RGS6: variants seen among roughly 807,000 people sequenced by gnomAD.
The protein encoded by RGS6 is regulator of G protein signaling 6.
RGS6 carries 30 observed loss-of-function variants against 78.5 expected under a neutral mutation model. That is an observed-to-expected ratio of 0.38 (90% confidence interval 0.29 to 0.52). The LOEUF is 0.52. RGS6 is among the 20% of genes least tolerant of loss of function. The pLI is 0.85. For missense variants in RGS6, 495 were observed against 609.7 expected, an observed-to-expected ratio of 0.81 and a Z score of 1.98; for synonymous variants, 206 against 206.0, an observed-to-expected ratio of 1.00 and a Z score of 0.00.
the RGS6 span, among the ~76,000 whole-genome samples, chr14:72,592,429 G>T: frequency 6.6e-6 from 1 of 152,218 alleles, no homozygotes; most frequent in Admixed American, 6.5e-5. Context: ...TAAGACCAAA[G>T]GAAGTGTAAC....
intron 2 of RGS6, chr14:71,990,414 T>C (rs955407486): frequency 4.7e-5 from 17 of 360,050 alleles, no homozygotes; most frequent in African/African-American, 3.4e-4. Context: ...CAGTAAAAGG[T>C]TGAAAAGTTA....
At chr14:72,275,229 A>G (rs1360324378) in intron 2 of RGS6, among the ~76,000 whole-genome samples, 1 of 152,242 alleles carries the variant, frequency 6.6e-6, no homozygotes, top group East Asian at 1.9e-4. Flanking sequence ...AACACATATT[A>G]ATTTTGTGAT....
intron 2 of RGS6, among the ~76,000 whole-genome samples, chr14:72,040,295 A>G (rs2092273773): frequency 6.6e-6 from 1 of 151,760 alleles, no homozygotes; most frequent in Non-Finnish European, 1.5e-5. Context: ...TTCCATTAGC[A>G]TTTCCTGTAA....
chr14:72,040,075 T>C (rs924235410), intron 2 of RGS6, among the ~76,000 whole-genome samples: 5 of 152,150 alleles, frequency 3.3e-5, no homozygotes, highest in Non-Finnish European at 7.4e-5. Context: ...TATATCCTTT[T>C]ATATTGCATA....
intron 2 of RGS6, among the ~76,000 whole-genome samples, chr14:72,043,517 C>T (rs1197932084): frequency 6.6e-6 from 1 of 151,992 alleles, no homozygotes; most frequent in Non-Finnish European, 1.5e-5. Flanking sequence ...ATATAGAAAT[C>T]TATGTTGGTG....
At chr14:72,264,865 A>G (rs1254966859) in intron 2 of RGS6, among the ~76,000 whole-genome samples, 3 of 152,110 alleles carry the variant, frequency 2.0e-5, no homozygotes, top group Non-Finnish European at 4.4e-5. Context: ...TGTCAGCTCT[A>G]AGAGTCTTTG....
At chr14:72,489,156 G>A in intron 12 of RGS6, among the ~76,000 whole-genome samples, 1 of 142,110 alleles carries the variant, frequency 7.0e-6, no homozygotes, top group Admixed American at 7.3e-5. Flanking sequence ...GACAAAGGGG[G>A]CCCCCCCACC....
At chr14:72,396,809 C>A (rs986220884) in intron 3 of RGS6, among the ~76,000 whole-genome samples, 4 of 152,286 alleles carry the variant, frequency 2.6e-5, no homozygotes, top group Admixed American at 6.5e-5. Context: ...GGAATCCTTT[C>A]CCCATTTCTT....
intron 2 of RGS6, among the ~76,000 whole-genome samples, chr14:72,076,241 T>C (rs2094569658): frequency 6.6e-6 from 1 of 152,242 alleles, no homozygotes. Context: ...GAAAATATTC[T>C]ATAGCTGTTC....
chr14:71,940,611 G>A (rs1463242868), intron 1 of RGS6, among the ~76,000 whole-genome samples: 1 of 152,152 alleles, frequency 6.6e-6, no homozygotes, highest in East Asian at 1.9e-4. Flanking sequence ...TGGTAGTTAT[G>A]CTCACCTTGC....
intron 17 of RGS6, among the ~76,000 whole-genome samples, chr14:72,548,724 C>A (rs890811474): frequency 1.4e-4 from 21 of 152,160 alleles, no homozygotes; most frequent in South Asian, 8.3e-4. Context: ...CCCCAGCAGA[C>A]TTGATGGCCA....
At chr14:72,421,851 A>T (rs1452598732) in intron 3 of RGS6, 1 of 152,270 alleles carries the variant, frequency 6.6e-6, no homozygotes, top group African/African-American at 2.4e-5. Context: ...GGCTGCAAGA[A>T]AGACTGGGCT....
the RGS6 span, among the ~76,000 whole-genome samples, chr14:71,876,473 C>CTTTTTTTTTTTTT: frequency 2.8e-5 from 2 of 72,494 alleles, no homozygotes; most frequent in African/African-American, 6.1e-5. Flanking sequence ...GCAACCGCTG[C>CTTTTTTTTTTTTT]TTTTTTTTTT....
At chr14:72,219,101 T>C (rs939043245) in intron 2 of RGS6, among the ~76,000 whole-genome samples, 7 of 151,938 alleles carry the variant, frequency 4.6e-5, no homozygotes, top group African/African-American at 1.4e-4. Flanking sequence ...TTCAGCCCTG[T>C]GCAGAAAATG....
At chr14:71,891,674 A>G in the RGS6 span, among the ~76,000 whole-genome samples, 1 of 144,494 alleles carries the variant, frequency 6.9e-6, no homozygotes, top group Non-Finnish European at 1.5e-5. Context: ...ATTTGCAGCT[A>G]TTAAAACAAC....
At chr14:72,568,718 G>A (rs1007721083), downstream of RGS6, among the ~76,000 whole-genome samples, 33 of 152,208 alleles carry the variant, frequency 2.2e-4, no homozygotes, top group African/African-American at 7.7e-4. Context: ...TTGTCTGACG[G>A]ACCTCATGGC....
intron 3 of RGS6, among the ~76,000 whole-genome samples, chr14:72,396,721 A>G (rs1194827448): frequency 1.3e-5 from 2 of 152,112 alleles, no homozygotes; most frequent in African/African-American, 2.4e-5. Flanking sequence ...TAATTTTTGT[A>G]TAAGGTGTAA....
intron 2 of RGS6, among the ~76,000 whole-genome samples, chr14:72,122,260 A>G (rs1458098897): frequency 6.6e-6 from 1 of 152,162 alleles, no homozygotes; most frequent in African/African-American, 2.4e-5. Flanking sequence ...CCACTGAGCA[A>G]ACTGGAATAG....
intron 12 of RGS6, among the ~76,000 whole-genome samples, chr14:72,491,956 A>T (rs2096583717): frequency 6.6e-6 from 1 of 152,156 alleles, no homozygotes; most frequent in Non-Finnish European, 1.5e-5. Context: ...ACTGCAGGAG[A>T]TGGGCAGTTT....
Sources: gnomAD v4.1 joint callset for allele counts (sites outside exome capture counted in the v4.1 genomes callset) on GRCh38, gnomAD v4.1.1 for gene constraint, MANE v1.5 for transcripts, NCBI Gene and HGNC (gene_info 2026-07-23, HGNC 2026-07-21) for gene names.